The following SH3RF3 variants were observed in gnomAD, a reference collection of about 807,000 sequenced individuals.
SH3RF3 encodes the protein E3 ubiquitin-protein ligase SH3RF3.
In SH3RF3, 29 loss-of-function variants were observed where a neutral mutation model predicts 66.3. The ratio of observed to expected loss-of-function variants is 0.44; its 90% CI spans 0.33 to 0.60. SH3RF3 has a LOEUF of 0.60. Ranked by LOEUF, SH3RF3 falls within the 20% of genes least tolerant of loss-of-function variation. SH3RF3 has a pLI of 0.04. For synonymous variants in SH3RF3, 583 were observed against 532.0 expected, an observed-to-expected ratio of 1.10 and a Z score of -1.32; for missense variants, 1,194 against 1,190.9, an observed-to-expected ratio of 1.00 and a Z score of -0.04.
At chr2:109,337,193 G>T (rs1327968837) in intron 1 of SH3RF3, among the ~76,000 whole-genome samples, 9 of 152,112 alleles carry the variant, frequency 5.9e-5, no homozygotes, top group Admixed American at 5.2e-4. Context: ...CCTGAGATTG[G>T]CCACATGATT....
intron 1 of SH3RF3, among the ~76,000 whole-genome samples, chr2:109,214,816 A>G (rs1679070252): frequency 6.6e-6 from 1 of 152,172 alleles, no homozygotes; most frequent in Non-Finnish European, 1.5e-5. Context: ...AGCAAGATCT[A>G]TGTATATTGG....
intron 1 of SH3RF3, among the ~76,000 whole-genome samples, chr2:109,221,550 C>G (rs1273094463): frequency 2.0e-5 from 3 of 148,786 alleles, no homozygotes; most frequent in Non-Finnish European, 4.4e-5. Flanking sequence ...CCAGTGCACT[C>G]CAGCCTGGGT....
rs748583936 is a variant in SH3RF3, at chr2:109,398,717, G to A, written c.1073G>A (p.Ser358Asn). The change falls in exon 4 of 10, where the codon AGC becomes AAC. Residue 358 changes from serine (S) to asparagine (N), a missense_variant. Physicochemically the swap from Ser to Asn is conservative, Grantham distance 46. Transcript: ENST00000309415. ...VASVAPSPTL[S>N]SSGAVSAFQR... ...AGCGTGGCCCCAAGTCCCACTTTAA[G>A]CAGCTCAGGGGCGGTCAGTGCCTTT... 6.2e-7 allele frequency: 1 copy of A among 1,612,960 alleles called. No individual in the cohort carries two copies. The highest frequency in any genetic ancestry group is 8.5e-7 in the Non-Finnish European group (1 of 1,179,556).
chr2:109,443,540 C>G (rs1308198875), intron 7 of SH3RF3, among the ~76,000 whole-genome samples: 2 of 152,138 alleles, frequency 1.3e-5, no homozygotes, highest in Non-Finnish European at 2.9e-5. Context: ...TTTGCAAATA[C>G]AGAATCTGCC....
At position 109,451,827 on chromosome 2, in the gene SH3RF3, G is replaced by A. The variant is rs562647330; in HGVS notation, c.2148+2338G>A. Among the ~76,000 whole-genome samples the A allele has an allele frequency of 3.9e-5, 6 of 152,318 alleles. No individual in the cohort carries two copies. The East Asian group carries it at 9.7e-4, about 25-fold the overall frequency. ...GCCTCCTCCTCCCCTGATAGCTCCC[G>A]AGCCTCTGTGGGCAGCAGAAGTGCG... On this transcript the variant is annotated intron_variant, in intron 8 of 9. Coordinates refer to ENST00000309415, the MANE Select transcript of SH3RF3 (RefSeq NM_001099289.3).
intron 1 of SH3RF3, among the ~76,000 whole-genome samples, chr2:109,255,337 C>G (rs1558984886): frequency 6.6e-6 from 1 of 152,198 alleles, no homozygotes; most frequent in East Asian, 1.9e-4. Context: ...TAAAGCTACT[C>G]TAAGAATACA....
intron 4 of SH3RF3, among the ~76,000 whole-genome samples, chr2:109,411,598 T>C (rs4676290): frequency 0.55 from 83,403 of 151,954 alleles, 23,256 homozygotes; most frequent in South Asian, 0.64. Context: ...GTGCCACTCA[T>C]TTCTTTGTAC....
At chr2:109,186,449 C>T (rs185230610) in intron 1 of SH3RF3, among the ~76,000 whole-genome samples, 2 of 152,326 alleles carry the variant, frequency 1.3e-5, no homozygotes, top group East Asian at 1.9e-4. Flanking sequence ...AACACTTCAC[C>T]GCCGTGCTGG....
chr2:109,431,590 A>G (rs72947110), intron 5 of SH3RF3, among the ~76,000 whole-genome samples: 2,479 of 152,312 alleles, frequency 0.016, 58 homozygotes, highest in African/African-American at 0.055. Flanking sequence ...TTATTTGCAA[A>G]TAAGACTTAA....
At chr2:109,197,349 A>C (rs1476307512) in intron 1 of SH3RF3, among the ~76,000 whole-genome samples, 1 of 152,158 alleles carries the variant, frequency 6.6e-6, no homozygotes, top group African/African-American at 2.4e-5. Flanking sequence ...AGGGAAGGGA[A>C]GGGCCAGACC....
At chr2:109,298,451 G>A (rs1310227753) in intron 1 of SH3RF3, among the ~76,000 whole-genome samples, 2 of 152,024 alleles carry the variant, frequency 1.3e-5, no homozygotes, top group Admixed American at 6.5e-5. Context: ...GGTCCCTCAC[G>A]GCTCAGGGAA....
chr2:109,276,719 A>T (rs574939655), intron 1 of SH3RF3, among the ~76,000 whole-genome samples: 1 of 152,194 alleles, frequency 6.6e-6, no homozygotes, highest in Non-Finnish European at 1.5e-5. Flanking sequence ...AAATCACATT[A>T]TTCCAGCTTT....
chr2:109,385,474 G>A (rs1382023744), intron 3 of SH3RF3, among the ~76,000 whole-genome samples: 1 of 152,198 alleles, frequency 6.6e-6, no homozygotes, highest in Non-Finnish European at 1.5e-5. Flanking sequence ...TGAATATCCA[G>A]TCCTCTTGAA....
intron 1 of SH3RF3, among the ~76,000 whole-genome samples, chr2:109,163,246 G>C (rs2104915613): frequency 6.6e-6 from 1 of 152,274 alleles, no homozygotes; most frequent in East Asian, 1.9e-4. Flanking sequence ...TGTGTGGTGT[G>C]TTGACTGTAG....
At chr2:109,309,613 C>T (rs536776423) in intron 1 of SH3RF3, among the ~76,000 whole-genome samples, 1,928 of 117,378 alleles carry the variant, frequency 0.016, 393 homozygotes, top group African/African-American at 0.08. Context: ...ACCCATCTCA[C>T]GTGCAGAGAC....
intron 4 of SH3RF3, among the ~76,000 whole-genome samples, chr2:109,415,376 A>G (rs1676694788): frequency 6.6e-6 from 1 of 152,200 alleles, no homozygotes; most frequent in African/African-American, 2.4e-5. Context: ...CAGGCTTGCG[A>G]AGGTTGAAAG....
intron 1 of SH3RF3, among the ~76,000 whole-genome samples, chr2:109,254,143 G>A (rs1330409114): frequency 6.6e-6 from 1 of 152,136 alleles, no homozygotes; most frequent in Non-Finnish European, 1.5e-5. Context: ...CTCTAGCAAG[G>A]ACTCTTAGAG....
chr2:109,351,020 T>G (rs1682826109), intron 2 of SH3RF3, among the ~76,000 whole-genome samples: 1 of 152,244 alleles, frequency 6.6e-6, no homozygotes, highest in Admixed American at 6.5e-5. Flanking sequence ...GTGGCATTAA[T>G]TAAAGTCCTT....
chr2:109,304,874 A>G (rs959594306), intron 1 of SH3RF3, among the ~76,000 whole-genome samples: 1 of 152,272 alleles, frequency 6.6e-6, no homozygotes, highest in Non-Finnish European at 1.5e-5. Context: ...GCCACCTTAG[A>G]AGACATGGGG....
Sources: allele counts gnomAD v4.1 joint callset (sites outside exome capture counted in the v4.1 genomes callset), GRCh38; gene constraint gnomAD v4.1.1; transcripts MANE v1.5; gene names NCBI Gene and HGNC (gene_info 2026-07-23, HGNC 2026-07-21).